The following PRKG1 variants were observed in gnomAD, a reference collection of about 807,000 sequenced individuals.
PRKG1 encodes cGMP-dependent protein kinase 1.
In PRKG1, 35 loss-of-function variants were observed where a neutral mutation model predicts 88.1. That is an observed-to-expected ratio of 0.40 (90% CI 0.30 to 0.53). The LOEUF is 0.53. PRKG1 is among the 20% of genes least tolerant of loss of function. The pLI is 0.59. For missense variants in PRKG1, 540 were observed against 839.8 expected (o/e 0.64, Z 4.41); for synonymous variants, 303 against 292.5 (o/e 1.04, Z -0.37).
chr10:51,915,156 A>G (rs1842310301), intron 5 of PRKG1, among the ~76,000 whole-genome samples: 1 of 152,162 alleles, frequency 6.6e-6, no homozygotes, highest in Non-Finnish European at 1.5e-5. Context: ...ACTCCTTTGC[A>G]TTCTCTCCAA....
At chr10:51,020,566 A>G (rs900410540) in intron 1 of PRKG1, among the ~76,000 whole-genome samples, 7 of 152,186 alleles carry the variant, frequency 4.6e-5, no homozygotes, top group Non-Finnish European at 1.0e-4. Flanking sequence ...AAATATGAAA[A>G]TATACTAAAA....
intron 3 of PRKG1, among the ~76,000 whole-genome samples, chr10:51,546,056 AT>A (rs34133066): frequency 0.73 from 106,016 of 145,888 alleles, 38,593 homozygotes; most frequent in East Asian, 0.96. Flanking sequence ...ATCTACAGGT[AT>A]TTTTTTTTTT....
At chr10:51,923,878 G>C (rs1306096682) in intron 5 of PRKG1, among the ~76,000 whole-genome samples, 1 of 151,310 alleles carries the variant, frequency 6.6e-6, no homozygotes, top group Non-Finnish European at 1.5e-5. Context: ...GCCCAGGCTA[G>C]AGTGCAGTGA....
chr10:52,069,567 G>C (rs571538408), intron 7 of PRKG1, among the ~76,000 whole-genome samples: 1 of 151,974 alleles, frequency 6.6e-6, no homozygotes, highest in East Asian at 1.9e-4. Context: ...TAAAATTATA[G>C]TACAGAAATT....
intron 3 of PRKG1, among the ~76,000 whole-genome samples, chr10:51,578,471 T>A (rs1449767561): frequency 2.0e-5 from 3 of 152,164 alleles, no homozygotes; most frequent in African/African-American, 7.2e-5. Flanking sequence ...ACTGGATTTT[T>A]CATGGTAAGT....
intron 8 of PRKG1, among the ~76,000 whole-genome samples, chr10:52,149,496 A>G (rs574685079): frequency 6.6e-6 from 1 of 152,200 alleles, no homozygotes; most frequent in Non-Finnish European, 1.5e-5. Context: ...ATTAAGGTTA[A>G]ATGAGGTCAT....
At position 51,967,489 on chromosome 10, in the gene PRKG1, A is replaced by G. The variant is rs138056665; in HGVS notation, c.762+59919A>G. Among the ~76,000 whole-genome samples, 214 of 152,266 alleles carry G rather than the reference A, an allele frequency of 1.4e-3. 4 individuals carry two copies. In the East Asian group the frequency reaches 0.038, roughly 27 times the overall value. On this transcript the variant is annotated intron_variant, in intron 5 of 17. Transcript: ENST00000373980. ...ACGTGTTAATGGGTGCAGCACACCAACATGGCACATGTATACATATGTAAC... is the reference window on the plus strand; with the variant it reads ...ACGTGTTAATGGGTGCAGCACACCAGCATGGCACATGTATACATATGTAAC...
intron 5 of PRKG1, among the ~76,000 whole-genome samples, chr10:51,912,784 C>A (rs1318697525): frequency 2.0e-5 from 3 of 151,834 alleles, no homozygotes; most frequent in African/African-American, 7.3e-5. Context: ...CCCCACCTAC[C>A]CCCTTCTGAA....
In PRKG1 at chr10:51,244,449, A is replaced by G. The variant is rs139092937; in HGVS notation, c.478+91119A>G. 1.8e-3 allele frequency among the ~76,000 whole-genome samples: 274 copies of G among 151,732 alleles called. 1 individual carries two copies. Among genetic ancestry groups the G allele is most frequent in the Non-Finnish European group, 3.0e-3 (201 of 67,944 alleles). ...TATGTAGAGTAGATCATATTTATTT[A>G]TAGAACATTCAGTGGTTCTTTCTCA... On this transcript the variant is annotated intron_variant, in intron 2 of 17. Coordinates refer to ENST00000373980, the MANE Select transcript of PRKG1 (RefSeq NM_006258.4).
chr10:51,166,536 G>GT (rs1375739125), intron 2 of PRKG1, among the ~76,000 whole-genome samples: 1 of 152,098 alleles, frequency 6.6e-6, no homozygotes, highest in Non-Finnish European at 1.5e-5. Context: ...AACCACAATG[G>GT]TTTTTCAGCA....
intron 2 of PRKG1, among the ~76,000 whole-genome samples, chr10:51,395,356 G>GGAT (rs1477677099): frequency 6.6e-6 from 1 of 152,172 alleles, no homozygotes; most frequent in Non-Finnish European, 1.5e-5. Flanking sequence ...GGTTTCTGAA[G>GGAT]GATGGAAAAT....
chr10:52,022,659 G>A (rs1372617366), intron 5 of PRKG1, among the ~76,000 whole-genome samples: 2 of 152,092 alleles, frequency 1.3e-5, no homozygotes, highest in African/African-American at 2.4e-5. Context: ...GTATGGTATA[G>A]CTCATCTGAA....
chr10:52,277,747 T>C (rs528438466), intron 12 of PRKG1, among the ~76,000 whole-genome samples: 1 of 152,230 alleles, frequency 6.6e-6, no homozygotes, highest in Admixed American at 6.5e-5. Flanking sequence ...TTTCTGCTAA[T>C]GACCAGCTTA....
intron 2 of PRKG1, among the ~76,000 whole-genome samples, chr10:51,219,431 C>T (rs989985510): frequency 2.0e-5 from 3 of 151,856 alleles, no homozygotes; most frequent in African/African-American, 4.8e-5. Context: ...GAGGAGCGGC[C>T]GGGCGCAGTG....
intron 10 of PRKG1, 37 bp from the exon 11 acceptor site, chr10:52,271,313 A>C: frequency 1.9e-6 from 3 of 1,600,740 alleles, no homozygotes; most frequent in Non-Finnish European, 1.7e-6. Context: ...TTACAAGTCT[A>C]TGGGCTTTTT....
chr10:52,218,413 C>T (rs185082078), intron 9 of PRKG1, among the ~76,000 whole-genome samples: 158 of 151,884 alleles, frequency 1.0e-3, no homozygotes, highest in African/African-American at 3.5e-3. Context: ...TAGATGACAA[C>T]AGAAGGGACA....
chr10:52,134,674 T>A (rs542611282), intron 8 of PRKG1, among the ~76,000 whole-genome samples: 41 of 152,166 alleles, frequency 2.7e-4, no homozygotes, highest in African/African-American at 9.4e-4. Context: ...AAAACATCCA[T>A]TTTAGTGGAG....
intron 9 of PRKG1, among the ~76,000 whole-genome samples, chr10:52,169,321 C>G (rs1838591633): frequency 1.3e-5 from 2 of 152,266 alleles, no homozygotes; most frequent in South Asian, 2.1e-4. Context: ...AGTCCAAGAT[C>G]AAGGCATCAG....
At chr10:51,712,074 A>C (rs1841765500) in intron 3 of PRKG1, among the ~76,000 whole-genome samples, 1 of 152,042 alleles carries the variant, frequency 6.6e-6, no homozygotes, top group Admixed American at 6.5e-5. Flanking sequence ...GGAAATGAAG[A>C]CCTGAAGAAA....
Sources: allele counts gnomAD v4.1 joint callset (sites outside exome capture counted in the v4.1 genomes callset), GRCh38; gene constraint gnomAD v4.1.1; transcripts MANE v1.5; gene names NCBI Gene and HGNC (gene_info 2026-07-23, HGNC 2026-07-21).